The following ATP13A2 variants were observed in gnomAD, a reference collection of about 807,000 sequenced individuals.
The protein encoded by ATP13A2 is ATPase cation transporting 13A2.
Under a neutral mutation model 138.3 loss-of-function variants are expected in ATP13A2, and 83 were observed. The observed-to-expected ratio is 0.60, with a 90% CI of 0.50 to 0.72. ATP13A2 has a LOEUF of 0.72. Among genes scored for constraint, ATP13A2 ranks in the 30% least tolerant of loss-of-function variants. ATP13A2 has a pLI of 0.00. For synonymous variants in ATP13A2, 663 were observed against 699.0 expected, an observed-to-expected ratio of 0.95 and a Z score of 0.81; for missense variants, 1,402 against 1,606.4, an observed-to-expected ratio of 0.87 and a Z score of 2.17.
chr1:16,992,942 G>T (rs2076987904), intron 16 of ATP13A2, among the ~76,000 whole-genome samples: 1 of 152,232 alleles, frequency 6.6e-6, no homozygotes, highest in Non-Finnish European at 1.5e-5. Context: ...TTAAGACAGA[G>T]TCTTACTCTG....
chr1:17,002,439 G>T, intron 6 of ATP13A2, 66 bp from the exon 7 acceptor site: 1 of 1,551,942 alleles, frequency 6.4e-7, no homozygotes, highest in East Asian at 2.3e-5. Flanking sequence ...CCCACCCTGT[G>T]CAGGCTGGAG....
At position 17,011,379 on chromosome 1, in the gene ATP13A2, G is replaced by C. The variant is rs1348579541; in HGVS notation, c.10+350C>G. ...CCCACCTGGACATCCGTCACTCGGG[G>C]TGGGATCCGATTAAGTGGGCGTGGG... is the stretch of plus-strand genomic sequence containing the variant. On this transcript the variant is annotated intron_variant, in intron 1 of 28. Coordinates refer to ENST00000326735, the MANE Select transcript of ATP13A2 (RefSeq NM_022089.4). This position sits in a 1 kb window ranked among gnomAD's most constrained non-coding sequence, Gnocchi z 7.3. Among the ~76,000 whole-genome samples, 3 of 152,184 alleles carry C rather than the reference G, an allele frequency of 2.0e-5. No homozygotes were observed. The highest frequency in any genetic ancestry group is 4.4e-5 in the Non-Finnish European group (3 of 68,026).
chr1:17,001,409 C>T (rs1009564485), intron 8 of ATP13A2, among the ~76,000 whole-genome samples: 1 of 150,684 alleles, frequency 6.6e-6, no homozygotes, highest in African/African-American at 2.4e-5. Flanking sequence ...GCCTGGGCAA[C>T]AAGAGCAAAA....
At chr1:16,987,001 C>G in intron 26 of ATP13A2, 45 bp from the exon 27 acceptor site, 2 of 1,604,002 alleles carry the variant, frequency 1.2e-6, no homozygotes, top group Non-Finnish European at 1.7e-6. Context: ...GTGGGGTGGA[C>G]AGGGAAGGGG....
intron 1 of ATP13A2, among the ~76,000 whole-genome samples, chr1:17,006,912 A>G (rs1453079886): frequency 6.6e-6 from 1 of 151,212 alleles, no homozygotes; most frequent in East Asian, 1.9e-4. Flanking sequence ...TTTTTTTGAG[A>G]TGAAGTCTTG....
At chr1:17,010,646 A>G (rs2077750709) in intron 1 of ATP13A2, among the ~76,000 whole-genome samples, 2 of 152,206 alleles carry the variant, frequency 1.3e-5, no homozygotes, top group African/African-American at 4.8e-5. Flanking sequence ...AGTACAGATT[A>G]GGATTCCCAT....
At chr1:17,008,392 CA>C (rs1294885329) in intron 1 of ATP13A2, among the ~76,000 whole-genome samples, 1 of 152,224 alleles carries the variant, frequency 6.6e-6, no homozygotes, top group Non-Finnish European at 1.5e-5. Flanking sequence ...TTTCATACAG[CA>C]AGTGCCTTTG....
chr1:16,996,059 G>A lies in ATP13A2; in HGVS notation c.1459C>T (p.Arg487Ter), dbSNP rs1303653650. ...MTVCTLYAQS[R>*]LRRQGIFCIH... ...CAGAAAATGCCCTGTCTCCGCAGTC[G>A]GCTCTGGGCGTAGAGCGTGCACACA... The change falls in exon 15 of 29, where the codon CGA becomes TGA. Residue 487 changes from arginine (R) to a stop codon, truncating the protein, a stop_gained. Coordinates refer to ENST00000326735, the MANE Select transcript of ATP13A2 (RefSeq NM_022089.4). LOFTEE classifies it high-confidence loss of function. The A allele has an allele frequency of 1.2e-5, 20 of 1,613,950 alleles. No homozygotes were observed. Among genetic ancestry groups the A allele is most frequent in the East Asian group, 2.2e-5 (1 of 44,900 alleles).
intron 8 of ATP13A2, among the ~76,000 whole-genome samples, chr1:17,001,633 C>A (rs1053482495): frequency 1.3e-5 from 2 of 152,198 alleles, no homozygotes; most frequent in Non-Finnish European, 2.9e-5. Flanking sequence ...CAGCCTCCAA[C>A]TGAAGCTTGG....
In ATP13A2 at chr1:16,997,421, G is replaced by C. The variant is rs932025458; in HGVS notation, c.1040-246C>G. ...CCAGCTCCCTGGAACCAGCGGGGGG[G>C]GGTGGGTCAGACAGAGCATGTGTGG... On this transcript the variant is annotated intron_variant, in intron 11 of 28. Coordinates refer to ENST00000326735, the MANE Select transcript of ATP13A2 (RefSeq NM_022089.4). Among the ~76,000 whole-genome samples the C allele has an allele frequency of 3.0e-5, 4 of 131,770 alleles. 2 individuals are homozygous for C. The South Asian group carries it at 9.8e-4, about 32-fold the overall frequency. 86.4% of individuals were successfully genotyped at this position (131,770 alleles called of 152,430 possible). A position where few individuals can be genotyped will look rare whatever the true frequency, so the allele number is the denominator to read the frequency against.
intron 12 of ATP13A2, 36 bp downstream of exon 12, chr1:16,996,984 C>G (rs200024237): frequency 1.9e-6 from 3 of 1,602,128 alleles, no homozygotes; most frequent in Non-Finnish European, 2.6e-6. Flanking sequence ...GTGCTGAGCC[C>G]GGGATCTCTC....
chr1:16,987,345 C>T (rs2076773427), intron 25 of ATP13A2, 76 bp from the exon 26 acceptor site: 2 of 1,369,912 alleles, frequency 1.5e-6, no homozygotes, highest in Admixed American at 3.8e-5. Flanking sequence ...GCAGAGGCCC[C>T]ACCCCTGCCC....
In ATP13A2 at chr1:16,992,347, A is replaced by C; in HGVS notation, c.1901T>G (p.Leu634Arg). Residue 634 changes from leucine (L) to arginine (R), a missense_variant, in exon 18 of 29, where the codon CTG (leucine) becomes CGG (arginine). Physicochemically the swap from Leu to Arg is moderately radical, Grantham distance 102 (BLOSUM62 -2). Transcript: ENST00000326735. Reference protein sequence around the residue: ...VLHRFPFSSALQRMSVVVAWP... With the variant: ...VLHRFPFSSARQRMSVVVAWP... ...CGCCACCACCACACTCATGCGCTGC[A>C]GAGCCGAAGAGAAGGGGAAGCGGTG... 1 of 1,613,184 alleles carries C rather than the reference A, an allele frequency of 6.2e-7. No homozygotes were observed. Among genetic ancestry groups the C allele is most frequent in the Non-Finnish European group, 8.5e-7 (1 of 1,179,820 alleles).
chr1:16,991,226 C>G (rs1570788597), intron 20 of ATP13A2, among the ~76,000 whole-genome samples: 2 of 152,332 alleles, frequency 1.3e-5, no homozygotes, highest in Middle Eastern at 6.8e-3. Flanking sequence ...GCTGGGATTA[C>G]AGGCGTGAGA....
At position 17,004,236 on chromosome 1, in the gene ATP13A2, C is replaced by G; in HGVS notation, c.557+96G>C. The G allele has an allele frequency of 7.7e-7, 1 of 1,302,402 alleles. No homozygotes were observed. Among genetic ancestry groups the G allele is most frequent in the Non-Finnish European group, 1.1e-6 (1 of 919,340 alleles). The allele number at this position is 1,302,402 out of a possible 1,614,324, so 80.7% of individuals were successfully genotyped here. A position where few individuals can be genotyped will look rare whatever the true frequency, so the allele number is the denominator to read the frequency against. ...GTTTCAGACAGCAAAAGCATCAGAG[C>G]TGAGAGGGGAGCCCAGGCCATGCCA... On this transcript the variant is annotated intron_variant, in intron 6 of 28. Coordinates refer to ENST00000326735, the MANE Select transcript of ATP13A2 (RefSeq NM_022089.4). The surrounding 1 kb of genome is among the most constrained non-coding windows in gnomAD (Gnocchi z 4.1).
rs2077467531 is a variant in ATP13A2, at chr1:17,004,238, G to C, written c.557+94C>G. On this transcript the variant is annotated intron_variant, in intron 6 of 28. Coordinates refer to ENST00000326735, the MANE Select transcript of ATP13A2 (RefSeq NM_022089.4). This position sits in a 1 kb window ranked among gnomAD's most constrained non-coding sequence, Gnocchi z 4.1. Reference sequence around the variant, plus strand: ...TTCAGACAGCAAAAGCATCAGAGCTGAGAGGGGAGCCCAGGCCATGCCATG... The same window carrying C: ...TTCAGACAGCAAAAGCATCAGAGCTCAGAGGGGAGCCCAGGCCATGCCATG... 2 of 1,319,500 alleles carry C rather than the reference G, an allele frequency of 1.5e-6. No individual in the cohort carries two copies. The highest frequency in any genetic ancestry group is 3.9e-5 in the Admixed American group (2 of 51,390). The allele number at this position is 1,319,500 out of a possible 1,614,324, so 81.7% of individuals were successfully genotyped here.
rs757072229 is a variant in ATP13A2, at chr1:16,992,567, C to T, written c.1764G>A (p.Glu588=). ...TCCCAAATGCTGAGTCTGCAGCCGG[C>T]TCTTCCTCCAGGACCTGGCAGGCAG... is the stretch of plus-strand genomic sequence containing the variant. ...VESTGWVLEE[E]PAADSAFGTQ... The change falls in exon 17 of 29, where the codon GAG becomes GAA. Residue 588 remains glutamate, a synonymous_variant. Transcript: ENST00000326735. The T allele has an allele frequency of 5.0e-6, 8 of 1,614,102 alleles. No homozygotes were observed. Among genetic ancestry groups the T allele is most frequent in the African/African-American group, 4.0e-5 (3 of 74,936 alleles).
At chr1:16,989,504 C>T (rs1487043283) in intron 23 of ATP13A2, among the ~76,000 whole-genome samples, 187 bp downstream of exon 23, 9 of 152,250 alleles carry the variant, frequency 5.9e-5, no homozygotes, top group Admixed American at 3.3e-4. Flanking sequence ...AGCCACCGCA[C>T]CCAGCCTACA....
chr1:17,010,264 G>A (rs1472593091), intron 1 of ATP13A2, among the ~76,000 whole-genome samples: 2 of 152,166 alleles, frequency 1.3e-5, no homozygotes. Context: ...TTTTAGTAGA[G>A]ACGGGGTTTC....
Sources: allele counts gnomAD v4.1 joint callset (sites outside exome capture counted in the v4.1 genomes callset), GRCh38; gene constraint gnomAD v4.1.1; non-coding constraint Gnocchi (gnomAD v3.1); transcripts MANE v1.5; gene names NCBI Gene and HGNC (gene_info 2026-07-23, HGNC 2026-07-21).